Variants in MTUS2 observed in about 807,000 individuals in gnomAD.
MTUS2 encodes microtubule associated scaffold protein 2.
In MTUS2, 40 loss-of-function variants were observed where a neutral mutation model predicts 114.1. The ratio of observed to expected loss-of-function variants is 0.35; its 90% CI spans 0.27 to 0.46. The LOEUF is 0.46. Among genes scored for constraint, MTUS2 ranks in the 20% least tolerant of loss-of-function variants. The pLI is 1.00. For synonymous variants in MTUS2, 688 were observed against 672.0 expected (o/e 1.02, Z -0.37); for missense variants, 1,679 against 1,705.4 (o/e 0.98, Z 0.27).
intron 6 of MTUS2, among the ~76,000 whole-genome samples, chr13:29,320,015 A>G (rs1417197162): frequency 6.6e-6 from 1 of 152,192 alleles, no homozygotes; most frequent in African/African-American, 2.4e-5. Context: ...GCCCCTGAAT[A>G]TGTCCATGTA....
At chr13:29,301,637 A>G (rs891845698) in intron 6 of MTUS2, among the ~76,000 whole-genome samples, 7 of 152,338 alleles carry the variant, frequency 4.6e-5, no homozygotes, top group Middle Eastern at 3.4e-3. Context: ...CCCTGATTCA[A>G]TTATTTAACT....
intron 4 of MTUS2, among the ~76,000 whole-genome samples, chr13:29,093,326 C>G (rs546236214): frequency 6.6e-6 from 1 of 152,006 alleles, no homozygotes; most frequent in South Asian, 2.1e-4. Context: ...GCCTGTAATC[C>G]CAGCTATTCG....
chr13:29,244,955 C>CAAAAAAAAAAAAAAAAAAAAA (rs56095961), intron 5 of MTUS2, among the ~76,000 whole-genome samples: 9 of 60,504 alleles, frequency 1.5e-4, no homozygotes, highest in Non-Finnish European at 2.0e-4. Context: ...GACTCCGTCT[C>CAAAAAAAAAAAAAAAAAAAAA]AAAAAAAAAA....
chr13:28,896,851 G>T (rs1419938746), intron 2 of MTUS2, among the ~76,000 whole-genome samples: 1 of 152,194 alleles, frequency 6.6e-6, no homozygotes, highest in Non-Finnish European at 1.5e-5. Context: ...CTAGCCTTAT[G>T]TAGAAAGCTG....
At chr13:29,385,832 G>T (rs565275545) in intron 8 of MTUS2, among the ~76,000 whole-genome samples, 4 of 152,286 alleles carry the variant, frequency 2.6e-5, no homozygotes, top group South Asian at 4.1e-4. Context: ...CTGGGAGAAA[G>T]ATATGACTCA....
Position 29,404,284 on chromosome 13 carries a change from C to T in MTUS2, c.3118-35699C>T, listed in dbSNP as rs1451635283. Among the ~76,000 whole-genome samples, 3 of 151,200 alleles carry T rather than the reference C, an allele frequency of 2.0e-5. 1 individual carries two copies. The highest frequency in any genetic ancestry group is 1.5e-5 in the Non-Finnish European group (1 of 67,884). On this transcript the variant is annotated intron_variant, in intron 8 of 15. Coordinates refer to ENST00000612955, the MANE Select transcript of MTUS2 (RefSeq NM_001033602.4). The stretch of plus-strand genomic sequence containing the variant: ...GAGGATCACCTGAGCCTGGAGAGGT[C>T]GAGGCTGCAGTGATCTGTGATTGCG...
intron 9 of MTUS2, among the ~76,000 whole-genome samples, chr13:29,475,738 C>T (rs548632042): frequency 5.9e-5 from 9 of 152,252 alleles, no homozygotes; most frequent in Admixed American, 5.2e-4. Context: ...AACAGCTTTA[C>T]AGTGTATGTG....
At chr13:28,962,921 G>A (rs960415772) in intron 2 of MTUS2, among the ~76,000 whole-genome samples, 1 of 151,988 alleles carries the variant, frequency 6.6e-6, no homozygotes. Flanking sequence ...GAATTCTGAT[G>A]GGTCCTCTAT....
chr13:29,491,469 GGTAT>G (rs1376097106), intron 11 of MTUS2, among the ~76,000 whole-genome samples: 3 of 142,482 alleles, frequency 2.1e-5, no homozygotes, highest in Non-Finnish European at 3.1e-5. Context: ...AGGTTTGTAT[GGTAT>G]GTATGTGGGA....
chr13:29,058,699 G>T (rs994793035), intron 4 of MTUS2, among the ~76,000 whole-genome samples: 32 of 147,044 alleles, frequency 2.2e-4, no homozygotes, highest in Non-Finnish European at 4.5e-4. Context: ...ATCTCCAAAT[G>T]CTATCCCTCC....
intron 5 of MTUS2, among the ~76,000 whole-genome samples, chr13:29,182,236 T>G (rs1894036986): frequency 1.3e-5 from 2 of 152,178 alleles, no homozygotes; most frequent in Admixed American, 1.3e-4. Flanking sequence ...ATCCAATCCA[T>G]GAGGACATGT....
intron 5 of MTUS2, among the ~76,000 whole-genome samples, chr13:29,157,251 T>A (rs1353043425): frequency 2.0e-5 from 3 of 152,200 alleles, no homozygotes; most frequent in Non-Finnish European, 4.4e-5. Context: ...TGTTGGGTCA[T>A]GTGCACACCT....
chr13:29,279,799 A>G (rs561430461), intron 5 of MTUS2, among the ~76,000 whole-genome samples: 1 of 152,374 alleles, frequency 6.6e-6, no homozygotes, highest in East Asian at 1.9e-4. Flanking sequence ...ACGTGTTCAC[A>G]GAATAATAAA....
intron 8 of MTUS2, among the ~76,000 whole-genome samples, chr13:29,403,551 C>T (rs762989138): frequency 6.6e-6 from 1 of 152,190 alleles, no homozygotes; most frequent in Non-Finnish European, 1.5e-5. Context: ...TGATTGCCCT[C>T]CCAAATGTGA....
intron 5 of MTUS2, among the ~76,000 whole-genome samples, chr13:29,121,442 C>CAT (rs1891302543): frequency 6.7e-6 from 1 of 149,334 alleles, no homozygotes; most frequent in Non-Finnish European, 1.5e-5. Flanking sequence ...GAAATACACA[C>CAT]ACACACACAC....
chr13:29,027,109 T>A (rs1886595984), intron 3 of MTUS2, among the ~76,000 whole-genome samples: 1 of 152,210 alleles, frequency 6.6e-6, no homozygotes, highest in African/African-American at 2.4e-5. Flanking sequence ...ATTATCTTAA[T>A]AAGATGTACC....
intron 7 of MTUS2, among the ~76,000 whole-genome samples, chr13:29,329,277 C>G (rs2138047000): frequency 6.6e-6 from 1 of 152,092 alleles, no homozygotes; most frequent in Non-Finnish European, 1.5e-5. Flanking sequence ...GCTATCCCTC[C>G]CCTAGCCCCC....
At chr13:29,028,198 A>G (rs543638641) in intron 3 of MTUS2, among the ~76,000 whole-genome samples, 1 of 152,272 alleles carries the variant, frequency 6.6e-6, no homozygotes, top group South Asian at 2.1e-4. Flanking sequence ...TAAAAATACA[A>G]AAACTAGCTG....
intron 2 of MTUS2, among the ~76,000 whole-genome samples, chr13:28,974,587 A>G (rs991775548): frequency 2.6e-5 from 4 of 152,240 alleles, no homozygotes; most frequent in African/African-American, 9.6e-5. Flanking sequence ...GCTCCTCAGC[A>G]CTTAATACAA....
Sources: gnomAD v4.1 joint callset for allele counts (sites outside exome capture counted in the v4.1 genomes callset) on GRCh38, gnomAD v4.1.1 for gene constraint, MANE v1.5 for transcripts, NCBI Gene and HGNC (gene_info 2026-07-23, HGNC 2026-07-21) for gene names.